The following POU6F2 variants were observed in gnomAD, a reference collection of about 807,000 sequenced individuals.
The protein encoded by POU6F2 is POU domain, class 6, transcription factor 2.
Under a neutral mutation model 71.3 loss-of-function variants are expected in POU6F2, and 31 were observed. That is an observed-to-expected ratio of 0.43 (90% confidence interval 0.33 to 0.59). POU6F2 has a LOEUF of 0.59. Among genes scored for constraint, POU6F2 ranks in the 20% least tolerant of loss-of-function variants. POU6F2 has a pLI of 0.04. For missense variants in POU6F2, 783 were observed against 856.8 expected, an observed-to-expected ratio of 0.91 and a Z score of 1.07; for synonymous variants, 347 against 355.7, an observed-to-expected ratio of 0.98 and a Z score of 0.27.
At chr7:39,008,421 T>A (rs1369663517) in intron 1 of POU6F2, among the ~76,000 whole-genome samples, 4 of 150,698 alleles carry the variant, frequency 2.7e-5, no homozygotes, top group East Asian at 1.9e-4. Context: ...TCTGGATATT[T>A]GCCCTTTGTC....
chr7:39,257,135 C>T (rs1283405254), intron 4 of POU6F2, among the ~76,000 whole-genome samples: 3 of 152,086 alleles, frequency 2.0e-5, no homozygotes, highest in South Asian at 2.1e-4. Flanking sequence ...GCTCACAAGC[C>T]GCATACATTT....
intron 2 of POU6F2, among the ~76,000 whole-genome samples, chr7:39,102,654 A>G (rs1003072442): frequency 2.0e-5 from 3 of 152,180 alleles, no homozygotes; most frequent in African/African-American, 7.2e-5. Context: ...ATATGTATGC[A>G]TGTGCATATA....
At chr7:39,204,896 C>A (rs1793978512) in intron 3 of POU6F2, among the ~76,000 whole-genome samples, 1 of 142,488 alleles carries the variant, frequency 7.0e-6, no homozygotes, top group Admixed American at 7.2e-5. Context: ...TTATAAAAGG[C>A]TGGGCTTTTT....
At chr7:38,978,711 C>A (rs912737530) in intron 1 of POU6F2, among the ~76,000 whole-genome samples, 2 of 152,156 alleles carry the variant, frequency 1.3e-5, no homozygotes, top group Non-Finnish European at 1.5e-5. Flanking sequence ...TAATAAACAG[C>A]TCCATTTAGT....
At chr7:39,190,417 TAAAAAA>T (rs57872350) in intron 2 of POU6F2, among the ~76,000 whole-genome samples, 60 of 59,904 alleles carry the variant, frequency 1.0e-3, no homozygotes, top group African/African-American at 3.8e-3. Flanking sequence ...CTCCTTTTCT[TAAAAAA>T]AAAAAAAAAA....
At chr7:39,187,567 A>G (rs1793568089) in intron 2 of POU6F2, among the ~76,000 whole-genome samples, 1 of 152,198 alleles carries the variant, frequency 6.6e-6, no homozygotes, top group South Asian at 2.1e-4. Context: ...GGGCCGGGGG[A>G]CAGCTACCAG....
intron 5 of POU6F2, among the ~76,000 whole-genome samples, chr7:39,361,870 G>A (rs894561267): frequency 1.3e-5 from 2 of 152,156 alleles, no homozygotes; most frequent in African/African-American, 2.4e-5. Flanking sequence ...GAGAGAGTCC[G>A]AGGTTATTTG....
chr7:39,067,502 A>C (rs1562692611), intron 1 of POU6F2, among the ~76,000 whole-genome samples: 1 of 152,026 alleles, frequency 6.6e-6, no homozygotes. Flanking sequence ...TCTAGAAAAA[A>C]TATTTGGGAT....
Position 39,466,954 on chromosome 7 carries a change from G to C in POU6F2, c.*2268G>C, listed in dbSNP as rs1789084677. The C allele has an allele frequency of 6.6e-6, 1 of 152,118 alleles. No homozygotes were observed. The highest frequency in any genetic ancestry group is 2.1e-4 in the South Asian group (1 of 4,824). 9.4% of individuals were successfully genotyped at this position (152,118 alleles called of 1,614,324 possible). A position where few individuals can be genotyped will look rare whatever the true frequency, so the allele number is the denominator to read the frequency against. On this transcript the variant is annotated 3_prime_UTR_variant, in exon 10 of 10. Coordinates refer to ENST00000518318, the MANE Select transcript of POU6F2 (RefSeq NM_001370959.1). ...CCTGCTCCAAATTCCATCAAGAAAA[G>C]CTCCCTGCGAAGAGAAGTTAACAAG...
intron 4 of POU6F2, among the ~76,000 whole-genome samples, chr7:39,319,065 G>A (rs946934662): frequency 6.6e-6 from 1 of 152,192 alleles, no homozygotes; most frequent in African/African-American, 2.4e-5. Flanking sequence ...TTGGGATTTT[G>A]AGGCTGGAGT....
At chr7:39,302,056 C>T (rs886470545) in intron 4 of POU6F2, among the ~76,000 whole-genome samples, 1 of 152,144 alleles carries the variant, frequency 6.6e-6, no homozygotes, top group Non-Finnish European at 1.5e-5. Flanking sequence ...AATACAGTTG[C>T]TGTGAGTTTT....
intron 1 of POU6F2, chr7:39,085,268 AG>A (rs1791214205): frequency 6.6e-6 from 1 of 152,162 alleles, no homozygotes; most frequent in African/African-American, 2.4e-5. Context: ...CCAACTTCTA[AG>A]GGTGCTTATA....
At chr7:39,241,637 T>A (rs900798524) in intron 4 of POU6F2, among the ~76,000 whole-genome samples, 1 of 152,094 alleles carries the variant, frequency 6.6e-6, no homozygotes, top group Admixed American at 6.6e-5. Flanking sequence ...AGAGGAGAGG[T>A]CAGTAGGGGA....
intron 1 of POU6F2, among the ~76,000 whole-genome samples, chr7:38,985,523 T>C (rs1012799260): frequency 1.3e-5 from 2 of 152,108 alleles, no homozygotes; most frequent in South Asian, 4.1e-4. Context: ...TGCAGCCAGA[T>C]TTGACAAGAT....
chr7:39,161,457 A>G (rs543501585), intron 2 of POU6F2, among the ~76,000 whole-genome samples: 5 of 152,322 alleles, frequency 3.3e-5, no homozygotes, highest in African/African-American at 1.2e-4. Flanking sequence ...TCAATCTTCC[A>G]AAGACAGCTG....
intron 1 of POU6F2, among the ~76,000 whole-genome samples, chr7:39,053,240 G>A (rs534324557): frequency 6.6e-6 from 1 of 152,140 alleles, no homozygotes; most frequent in East Asian, 1.9e-4. Context: ...GCATCACATG[G>A]GCCATTTATG....
intron 4 of POU6F2, among the ~76,000 whole-genome samples, chr7:39,278,948 A>T (rs756029912): frequency 6.6e-6 from 1 of 152,108 alleles, no homozygotes; most frequent in Admixed American, 6.6e-5. Context: ...TCTGTCTCCA[A>T]AACAGCACAC....
chr7:39,009,736 T>C lies in POU6F2; in HGVS notation c.105+31678T>C, dbSNP rs1172276748. 2.0e-5 allele frequency among the ~76,000 whole-genome samples: 3 copies of C among 151,646 alleles called. No homozygotes were observed. The East Asian group carries it at 5.8e-4, about 29-fold the overall frequency. The stretch of plus-strand genomic sequence containing the variant: ...TATTGAGAGTTTTTAGCATGAAGGG[T>C]TGTTGAATTTTGTCAAAGGCTTTTT... On this transcript the variant is annotated intron_variant, in intron 1 of 9. Coordinates refer to ENST00000518318, the MANE Select transcript of POU6F2 (RefSeq NM_001370959.1).
chr7:39,339,717 A>C lies in POU6F2; in HGVS notation c.674A>C (p.Gln225Pro). The C allele has an allele frequency of 1.2e-6, 2 of 1,603,000 alleles. No homozygotes were observed. Among genetic ancestry groups the C allele is most frequent in the Non-Finnish European group, 1.7e-6 (2 of 1,176,508 alleles). ...CAGCAGCAGCAGCAGCAGCAGCAGCAGCCTCCCCCGTCAACCAACCAGCAC... is the reference window on the plus strand; with the variant it reads ...CAGCAGCAGCAGCAGCAGCAGCAGCCGCCTCCCCCGTCAACCAACCAGCAC... ...LQQQQQQQQQQPPPSTNQHPQ... is the reference protein window; with the variant it reads ...LQQQQQQQQQPPPPSTNQHPQ... Residue 225 changes from glutamine to proline, a missense_variant, in exon 5 of 10, where the codon CAG (glutamine) becomes CCG (proline). Around this residue, in one of 2 missense-constraint regions of POU6F2, gnomAD observed 572 missense variants for 572.9 expected, o/e 1.00. Transcript: ENST00000518318.
Sources: allele counts gnomAD v4.1 joint callset (sites outside exome capture counted in the v4.1 genomes callset), GRCh38; gene constraint gnomAD v4.1.1; regional missense constraint gnomAD v4.1.1; transcripts MANE v1.5; gene names NCBI Gene and HGNC (gene_info 2026-07-23, HGNC 2026-07-21).